OVCH2: variants seen among roughly 807,000 people sequenced by gnomAD.
OVCH2 encodes ovochymase 2.
Under a neutral mutation model 73.7 loss-of-function variants are expected in OVCH2, and 88 were observed. The ratio of observed to expected loss-of-function variants is 1.19; its 90% CI spans 1.01 to 1.43. The LOEUF (loss-of-function observed/expected upper bound fraction) is 1.43, where lower values mean the gene tolerates loss of function less well. Ranked by LOEUF, OVCH2 falls within the 40% of genes most tolerant of loss-of-function variation. The probability of loss-of-function intolerance (pLI) is 0.00; values close to 1 mark genes in which losing one functional copy is unlikely to be tolerated. For missense variants in OVCH2, 706 were observed against 674.5 expected (o/e 1.05, Z -0.52); for synonymous variants, 265 against 234.5 (o/e 1.13, Z -1.19).
At position 7,691,105 on chromosome 11, in the gene OVCH2, G is replaced by A. The variant is rs1198885399; in HGVS notation, c.1639+164C>T. On this transcript the variant is annotated intron_variant, in intron 14 of 15. Transcript: ENST00000533663. ...CTAACCTTGTACATTTCCTAGGAGGGATGGCTGAGTATTCTCTTATTCAGT... is the reference window on the plus strand; with the variant it reads ...CTAACCTTGTACATTTCCTAGGAGGAATGGCTGAGTATTCTCTTATTCAGT... 5.9e-6 allele frequency: 5 copies of A among 845,178 alleles called. No individual in the cohort carries two copies. In the East Asian group the frequency reaches 8.5e-5, roughly 14 times the overall value. 52.4% of individuals were successfully genotyped at this position (845,178 alleles called of 1,614,324 possible).
intron 6 of OVCH2, 90 bp from the exon 7 acceptor site, chr11:7,700,575 A>G: frequency 7.5e-7 from 1 of 1,329,750 alleles, no homozygotes; most frequent in Non-Finnish European, 1.0e-6. Context: ...CTGGAGGAGG[A>G]TCAATGACAT....
At chr11:7,704,092 G>A (rs780397409) in intron 2 of OVCH2, among the ~76,000 whole-genome samples, 26 of 152,248 alleles carry the variant, frequency 1.7e-4, no homozygotes, top group South Asian at 4.1e-4. Context: ...ATGCAGACCT[G>A]TTGCTCTAAC....
the OVCH2 span, among the ~76,000 whole-genome samples, chr11:7,680,604 C>G: frequency 6.6e-6 from 1 of 152,064 alleles, no homozygotes; most frequent in African/African-American, 2.4e-5. Flanking sequence ...GGCCACCTGC[C>G]AAGGGATACA....
At chr11:7,690,421 A>G (rs1047406091) in intron 14 of OVCH2, among the ~76,000 whole-genome samples, 2 of 152,046 alleles carry the variant, frequency 1.3e-5, no homozygotes, top group African/African-American at 4.8e-5. Flanking sequence ...TCCTCACTAC[A>G]TTCTTATTAG....
chr11:7,699,096 G>C, intron 7 of OVCH2: 1 of 216,432 alleles, frequency 4.6e-6, no homozygotes, highest in South Asian at 8.9e-5. Context: ...AGAGTTGCTG[G>C]GTTAAATAGG....
At chr11:7,689,796 T>TG (rs1404204448) in intron 15 of OVCH2, 128 bp downstream of exon 15, 3 of 704,114 alleles carry the variant, frequency 4.3e-6, no homozygotes, top group African/African-American at 3.5e-5. Context: ...GGTCACATTC[T>TG]GGGGTACTGG....
the OVCH2 span, among the ~76,000 whole-genome samples, chr11:7,683,566 T>A: frequency 1.3e-5 from 2 of 152,210 alleles, no homozygotes; most frequent in African/African-American, 4.8e-5. Context: ...GAAAGAGTGA[T>A]CTTGTTACAA....
intron 1 of OVCH2, chr11:7,706,088 CT>C (rs1856524844): frequency 4.5e-6 from 2 of 444,920 alleles, no homozygotes; most frequent in Non-Finnish European, 7.8e-6. Flanking sequence ...GGATTGTTTA[CT>C]TAATTGGATA....
the OVCH2 span, among the ~76,000 whole-genome samples, chr11:7,682,791 C>T: frequency 5.9e-5 from 9 of 152,202 alleles, no homozygotes; most frequent in Non-Finnish European, 8.8e-5. Context: ...CTCTTGACTT[C>T]CTTATCCCCA....
intron 14 of OVCH2, 86 bp downstream of exon 14, chr11:7,691,183 T>G (rs1488562760): frequency 6.8e-7 from 1 of 1,461,314 alleles, no homozygotes. Flanking sequence ...GAATCGACTG[T>G]CTCTGTGTTG....
the OVCH2 span, among the ~76,000 whole-genome samples, chr11:7,683,644 A>G: frequency 6.6e-6 from 1 of 152,118 alleles, no homozygotes; most frequent in East Asian, 1.9e-4. Flanking sequence ...CAATGTTTTT[A>G]CCTTAGCCCA....
At chr11:7,703,851 G>T (rs1337656544) in intron 2 of OVCH2, 62 bp from the exon 3 acceptor site, 2 of 1,289,560 alleles carry the variant, frequency 1.6e-6, no homozygotes, top group Admixed American at 2.0e-5. Context: ...TAAACACGGT[G>T]ATGAAGCCTA....
rs753885306 is a variant in OVCH2, at chr11:7,701,465, G to T, written c.570C>A (p.Leu190=). Residue 190 remains leucine, a synonymous_variant, in exon 6 of 16, where the codon CTC becomes CTA. Transcript: ENST00000533663. ...GATTCACTTCCTGCAAGACTTGTGA[G>T]AGGACGCCACCTGAAAAACAGAGAG... The part of the protein sequence containing the change: ...GWGRLTEGGV[L]SQVLQEVNLP... 28 of 1,610,726 alleles carry T rather than the reference G, an allele frequency of 1.7e-5. No homozygotes were observed. The highest frequency in any genetic ancestry group is 2.3e-5 in the Non-Finnish European group (27 of 1,178,778).
downstream of OVCH2, chr11:7,689,295 T>C (rs1215087358): frequency 1.6e-5 from 3 of 191,514 alleles, no homozygotes; most frequent in African/African-American, 2.4e-5. Flanking sequence ...GCCCATGCTG[T>C]GGATTCCGGT....
intron 8 of OVCH2, 138 bp downstream of exon 8, chr11:7,698,612 C>CT (rs60610878): frequency 0.4 from 311,385 of 787,490 alleles, 64,477 homozygotes; most frequent in Admixed American, 0.51. Flanking sequence ...GGCATAATGG[C>CT]TGTAGGTGCT....
intron 4 of OVCH2, 72 bp downstream of exon 4, chr11:7,702,085 G>A (rs1589881132): frequency 1.5e-6 from 2 of 1,357,850 alleles, no homozygotes; most frequent in East Asian, 4.6e-5. Flanking sequence ...GTATACTGCA[G>A]GAAATGTGCT....
At chr11:7,691,180 C>G in intron 14 of OVCH2, 89 bp downstream of exon 14, 3 of 1,444,714 alleles carry the variant, frequency 2.1e-6, no homozygotes, top group Non-Finnish European at 2.8e-6. Context: ...TGAGAATCGA[C>G]TGTCTCTGTG....
At chr11:7,696,640 C>T (rs1259469217) in intron 9 of OVCH2, 51 bp from the exon 10 acceptor site, 12 of 1,613,806 alleles carry the variant, frequency 7.4e-6, no homozygotes, top group Admixed American at 1.7e-5. Flanking sequence ...AAACGACTAT[C>T]ACAGTCCAAT....
chr11:7,705,573 C>T (rs894083865), intron 1 of OVCH2: 2 of 152,112 alleles, frequency 1.3e-5, no homozygotes, highest in Non-Finnish European at 1.5e-5. Flanking sequence ...ATAAATGAAG[C>T]ACTGTTATCC....
Sources: gnomAD v4.1 joint callset for allele counts (sites outside exome capture counted in the v4.1 genomes callset) on GRCh38, gnomAD v4.1.1 for gene constraint, MANE v1.5 for transcripts, NCBI Gene and HGNC (gene_info 2026-07-23, HGNC 2026-07-21) for gene names.